TOX3: variants seen among roughly 807,000 people sequenced by gnomAD.
TOX3 encodes the protein CAG trinucleotide repeat-containing gene F9 protein.
TOX3 carries 22 observed loss-of-function variants against 64.3 expected under a neutral mutation model. That is an observed-to-expected ratio of 0.34 (90% confidence interval 0.24 to 0.49). TOX3 has a LOEUF of 0.49. TOX3 is among the 20% of genes least tolerant of loss of function. TOX3 has a pLI of 0.99. For synonymous variants in TOX3, 291 were observed against 273.6 expected (o/e 1.06, Z -0.63); for missense variants, 661 against 714.4 (o/e 0.93, Z 0.85).
At chr16:52,491,553 T>G (rs543570307) in intron 1 of TOX3, among the ~76,000 whole-genome samples, 1 of 152,210 alleles carries the variant, frequency 6.6e-6, no homozygotes, top group Non-Finnish European at 1.5e-5. Flanking sequence ...TGTGCTGGTA[T>G]GTATAACCTT....
At chr16:52,515,740 A>T (rs1366595276) in intron 1 of TOX3, among the ~76,000 whole-genome samples, 2 of 152,198 alleles carry the variant, frequency 1.3e-5, no homozygotes, top group Non-Finnish European at 2.9e-5. Flanking sequence ...GAATGGCATA[A>T]GCTAAATTCC....
Position 52,450,791 on chromosome 16 carries a change from TGGAAGGAAGGAAGGAAGGAA to T in TOX3, c.409-265_409-246del, listed in dbSNP as rs555228421. On this transcript the variant is annotated intron_variant, in intron 3 of 6. Coordinates refer to ENST00000219746, the MANE Select transcript of TOX3 (RefSeq NM_001080430.4). ...TTCATTATAGAACTGTCAGTGGATG[TGGAAGGAAGGAAGGAAGGAA>T]GGAAGGAAGGAAGGAAGGAAGGAAG... Among the ~76,000 whole-genome samples the T allele has an allele frequency of 3.7e-3, 435 of 116,628 alleles. 2 individuals are homozygous for T. Among genetic ancestry groups the T allele is most frequent in the African/African-American group, 0.013 (393 of 29,398 alleles). The allele number at this position is 116,628 out of a possible 152,430, so 76.5% of individuals were successfully genotyped here.
chr16:52,439,418 C>A lies in TOX3; in HGVS notation c.1538G>T (p.Arg513Leu). The change falls in exon 7 of 7, where the codon CGC becomes CTC. Residue 513 changes from arginine to leucine, a missense_variant. Physicochemically the swap from Arg to Leu is moderately radical, Grantham distance 102. Transcript: ENST00000219746. ...GTGTTGCAGCTGCTGCAGCTGGAGG[C>A]GCTGCTGCAGCTGCTGCTGCAGCTG... ...QQQLQQQLQQ[R>L]LQLQQLQHMQ... 2.6e-6 allele frequency: 4 copies of A among 1,555,280 alleles called. No individual in the cohort carries two copies. The highest frequency in any genetic ancestry group is 3.5e-6 in the Non-Finnish European group (4 of 1,142,488).
intron 1 of TOX3, among the ~76,000 whole-genome samples, chr16:52,478,494 G>C (rs1185880360): frequency 6.6e-6 from 1 of 152,140 alleles, no homozygotes; most frequent in Non-Finnish European, 1.5e-5. Flanking sequence ...TCTCATCAGA[G>C]ATACAAAGTC....
At chr16:52,463,782 C>T (rs972671190) in intron 3 of TOX3, among the ~76,000 whole-genome samples, 152 bp downstream of exon 3, 3 of 152,158 alleles carry the variant, frequency 2.0e-5, no homozygotes, top group Non-Finnish European at 4.4e-5. Flanking sequence ...TTGTTCAATA[C>T]CAGGCAGCGA....
In TOX3 at chr16:52,450,329, G is replaced by T; in HGVS notation, c.626C>A (p.Thr209Asn). 2 of 1,613,998 alleles carry T rather than the reference G, an allele frequency of 1.2e-6. No individual in the cohort carries two copies. The highest frequency in any genetic ancestry group is 1.7e-6 in the Non-Finnish European group (2 of 1,179,886). The change falls in exon 4 of 7, where the codon ACT becomes AAT. Residue 209 changes from threonine to asparagine, a missense_variant. Around this residue, in one of 3 missense-constraint regions of TOX3, gnomAD observed 103 missense variants for 161.2 expected, o/e 0.64. Coordinates refer to ENST00000219746, the MANE Select transcript of TOX3 (RefSeq NM_001080430.4). ...SPSPPASKSATPSPSSSINEE... is the reference protein window; with the variant it reads ...SPSPPASKSANPSPSSSINEE... Reference sequence around the variant, plus strand: ...ATTGATGGAGCTGGAAGGGGAGGGAGTGGCTGATTTGCTTGCTGGAGGTGA... The same window carrying T: ...ATTGATGGAGCTGGAAGGGGAGGGATTGGCTGATTTGCTTGCTGGAGGTGA...
chr16:52,460,959 C>A (rs1369636893), intron 3 of TOX3, among the ~76,000 whole-genome samples: 1 of 152,172 alleles, frequency 6.6e-6, no homozygotes, highest in Non-Finnish European at 1.5e-5. Flanking sequence ...TGCATGCTTG[C>A]ATGAATATCT....
In TOX3 at chr16:52,440,533, G is replaced by A. The variant is rs139373482; in HGVS notation, c.988-565C>T. On this transcript the variant is annotated intron_variant, in intron 6 of 6. Transcript: ENST00000219746. ...AGCACTATTGTGGCAAAAGATAACC[G>A]ATACACATATTTAAGAGCAACAATT... is the stretch of plus-strand genomic sequence containing the variant. Among the ~76,000 whole-genome samples, 127 of 152,230 alleles carry A rather than the reference G, an allele frequency of 8.3e-4. 1 individual carries two copies. Among genetic ancestry groups the A allele is most frequent in the African/African-American group, 2.9e-3 (119 of 41,544 alleles).
intron 1 of TOX3, among the ~76,000 whole-genome samples, chr16:52,484,421 T>C (rs915729259): frequency 2.6e-5 from 4 of 152,158 alleles, no homozygotes; most frequent in African/African-American, 9.7e-5. Flanking sequence ...GACCTACTAG[T>C]TCTGCAATCA....
chr16:52,539,148 T>C (rs746429612), intron 1 of TOX3, among the ~76,000 whole-genome samples: 2 of 152,174 alleles, frequency 1.3e-5, no homozygotes, highest in Non-Finnish European at 2.9e-5. Context: ...AATAAATGTT[T>C]TCATTCATAA....
intron 1 of TOX3, among the ~76,000 whole-genome samples, chr16:52,517,514 A>G (rs1053324386): frequency 6.6e-6 from 1 of 152,202 alleles, no homozygotes; most frequent in African/African-American, 2.4e-5. Flanking sequence ...GTCTATAAGT[A>G]GGAGAAGAGA....
rs1482479917 is a variant in TOX3, at chr16:52,511,302, GCCAA to G, written c.87+35331_87+35334del. On this transcript the variant is annotated intron_variant, in intron 1 of 6. Transcript: ENST00000219746. ...AGGTCAGGAGTTAGAGACCAGCCTGGCCAACATGGTGAAACCCTGTCTCTACTAA... is the reference window on the plus strand; with the variant it reads ...AGGTCAGGAGTTAGAGACCAGCCTGGCATGGTGAAACCCTGTCTCTACTAA... 2.0e-5 allele frequency among the ~76,000 whole-genome samples: 3 copies of G among 152,228 alleles called. 1 individual carries two copies. The South Asian group carries it at 6.2e-4, about 32-fold the overall frequency.
intron 1 of TOX3, among the ~76,000 whole-genome samples, chr16:52,518,445 C>T (rs1962513248): frequency 6.6e-6 from 1 of 152,122 alleles, no homozygotes; most frequent in Non-Finnish European, 1.5e-5. Flanking sequence ...TTCAGGGATA[C>T]AATATGTAAG....
At chr16:52,543,791 T>A (rs1486395980) in intron 1 of TOX3, among the ~76,000 whole-genome samples, 1 of 152,178 alleles carries the variant, frequency 6.6e-6, no homozygotes, top group African/African-American at 2.4e-5. Context: ...AACTCTTTCA[T>A]CCATTCTCCA....
At chr16:52,482,331 C>T (rs552921642) in intron 1 of TOX3, among the ~76,000 whole-genome samples, 1 of 152,270 alleles carries the variant, frequency 6.6e-6, no homozygotes, top group Non-Finnish European at 1.5e-5. Context: ...CATTTCCTTA[C>T]AAACATTTAA....
intron 1 of TOX3, among the ~76,000 whole-genome samples, chr16:52,500,695 C>T (rs1319388575): frequency 1.3e-5 from 2 of 152,172 alleles, no homozygotes; most frequent in African/African-American, 2.4e-5. Context: ...AGGCATTATG[C>T]TAACCACTTC....
At position 52,513,240 on chromosome 16, in the gene TOX3, T is replaced by C. The variant is rs375881982; in HGVS notation, c.87+33397A>G. 1.1e-4 allele frequency among the ~76,000 whole-genome samples: 17 copies of C among 152,346 alleles called. No homozygotes were observed. The East Asian group carries it at 1.9e-3, about 17-fold the overall frequency. On this transcript the variant is annotated intron_variant, in intron 1 of 6. Coordinates refer to ENST00000219746, the MANE Select transcript of TOX3 (RefSeq NM_001080430.4). ...TCATGCCCTCTGAGAGCTATCACAA[T>C]TAATGGCATCATCTTCCAAACAACA...
chr16:52,485,070 C>T (rs1222268875), intron 1 of TOX3, among the ~76,000 whole-genome samples: 2 of 150,176 alleles, frequency 1.3e-5, no homozygotes, highest in African/African-American at 4.9e-5. Context: ...CACAAACACA[C>T]ACATATATAC....
intron 1 of TOX3, among the ~76,000 whole-genome samples, chr16:52,472,093 A>T (rs551885741): frequency 2.6e-5 from 4 of 152,332 alleles, no homozygotes; most frequent in African/African-American, 9.6e-5. Context: ...TCCATGGTCC[A>T]GTAAGGTTGG....
Sources: allele counts gnomAD v4.1 joint callset (sites outside exome capture counted in the v4.1 genomes callset), GRCh38; gene constraint gnomAD v4.1.1; regional missense constraint gnomAD v4.1.1; transcripts MANE v1.5; gene names NCBI Gene and HGNC (gene_info 2026-07-23, HGNC 2026-07-21).